TIAM1: variants seen among roughly 807,000 people sequenced by gnomAD.
TIAM1 encodes TIAM Rac1 associated GEF 1.
In TIAM1, 65 loss-of-function variants were observed where a neutral mutation model predicts 163.5. That is an observed-to-expected ratio of 0.40 (90% CI 0.33 to 0.49). The LOEUF is 0.49. Ranked by LOEUF, TIAM1 falls within the 20% of genes least tolerant of loss-of-function variation. TIAM1 has a pLI of 0.77. For synonymous variants in TIAM1, 833 were observed against 810.1 expected, an observed-to-expected ratio of 1.03 and a Z score of -0.48; for missense variants, 1,789 against 2,044.7, an observed-to-expected ratio of 0.87 and a Z score of 2.41.
intron 1 of TIAM1, among the ~76,000 whole-genome samples, chr21:31,500,264 G>A (rs564009451): frequency 5.9e-5 from 9 of 152,258 alleles, no homozygotes; most frequent in East Asian, 1.9e-4. Context: ...AGCTGGATTC[G>A]GGCCCAGCTC....
chr21:31,454,401 T>C (rs1000272178), intron 2 of TIAM1, among the ~76,000 whole-genome samples: 4 of 152,250 alleles, frequency 2.6e-5, no homozygotes, highest in Admixed American at 1.3e-4. Flanking sequence ...ATGTGTACTA[T>C]GATCCTTTCT....
chr21:31,433,980 T>TA, intron 2 of TIAM1, among the ~76,000 whole-genome samples: 1 of 152,176 alleles, frequency 6.6e-6, no homozygotes, highest in Non-Finnish European at 1.5e-5. Flanking sequence ...GTATTTTTGT[T>TA]AGAGACAGGG....
At chr21:31,322,470 C>T (rs1046049540) in intron 2 of TIAM1, among the ~76,000 whole-genome samples, 1 of 151,582 alleles carries the variant, frequency 6.6e-6, no homozygotes, top group Non-Finnish European at 1.5e-5. Flanking sequence ...CCATCATCTG[C>T]CATCTTATAG....
intron 2 of TIAM1, among the ~76,000 whole-genome samples, chr21:31,368,765 A>T (rs564082895): frequency 4.9e-4 from 74 of 152,194 alleles, no homozygotes; most frequent in Non-Finnish European, 9.3e-4. Context: ...AGCAGGGGGA[A>T]ATATGGCAAA....
chr21:31,308,184 G>A (rs1012460008), intron 2 of TIAM1, among the ~76,000 whole-genome samples: 9 of 152,140 alleles, frequency 5.9e-5, no homozygotes, highest in Non-Finnish European at 8.8e-5. Context: ...CTAGGAGGTG[G>A]AAGTTGCAGT....
rs2077090595 is a variant in TIAM1 at position 31,397,357 on chromosome 21, C to A, written c.-368-57935G>T. Among the ~76,000 whole-genome samples, 5 of 152,102 alleles carry A rather than the reference C, an allele frequency of 3.3e-5. No individual in the cohort carries two copies. The South Asian group carries it at 1.0e-3, about 32-fold the overall frequency. On this transcript the variant is annotated intron_variant, in intron 2 of 28. Coordinates refer to the TIAM1 transcript ENST00000286827. ...CCAAATTCCTATACAGATCTTTTTG[C>A]ATCCAAAAGCTCTAAGGGTCCATGT...
Position 31,120,439 on chromosome 21 carries a change from C to T in TIAM1, c.4705G>A (p.Ala1569Thr), listed in dbSNP as rs146645440. ...CTAACCCAAATGACTTCCTCGCTTGCGCTCTCCAGGCCTCCATTGATCCCC... is the reference window on the plus strand; with the variant it reads ...CTAACCCAAATGACTTCCTCGCTTGTGCTCTCCAGGCCTCCATTGATCCCC... ...LSGINGGLESASEEVIWVRRE... is the reference protein window; with the variant it reads ...LSGINGGLESTSEEVIWVRRE... The change falls in exon 28 of 28, where the codon GCA becomes ACA. Residue 1569 changes from alanine to threonine, a missense_variant. Coordinates refer to ENST00000541036, the MANE Select transcript of TIAM1 (RefSeq NM_001353694.2). The surrounding 1 kb of genome is among the most constrained non-coding windows in gnomAD (Gnocchi z 4.2). 7.7e-4 allele frequency: 1,241 copies of T among 1,614,200 alleles called. 2 individuals carry two copies. The highest frequency in any genetic ancestry group is 2.3e-3 in the East Asian group (103 of 44,876).
chr21:31,475,064 T>TTATTATTATTATC (rs2045894907), intron 1 of TIAM1, among the ~76,000 whole-genome samples: 4 of 82,396 alleles, frequency 4.9e-5, no homozygotes, highest in Non-Finnish European at 9.4e-5. Context: ...TATTATTATT[T>TTATTATTATTATC]AGTTTTAGAC....
chr21:31,400,180 T>G (rs952188386), intron 2 of TIAM1, among the ~76,000 whole-genome samples: 1 of 151,618 alleles, frequency 6.6e-6, no homozygotes, highest in Non-Finnish European at 1.5e-5. Context: ...CAGGCTAGAG[T>G]GCAGTGGCGT....
chr21:31,419,832 C>A (rs2300365), intron 2 of TIAM1, among the ~76,000 whole-genome samples: 14,446 of 152,186 alleles, frequency 0.095, 949 homozygotes, highest in Non-Finnish European at 0.14. Flanking sequence ...GGGTGGATCA[C>A]CTGAGGTCAG....
At chr21:31,184,254 C>T (rs1601454802) in intron 14 of TIAM1, among the ~76,000 whole-genome samples, 1 of 152,174 alleles carries the variant, frequency 6.6e-6, no homozygotes, top group Middle Eastern at 3.4e-3. Context: ...TATAGGTGCG[C>T]ACCACCATGC....
At chr21:31,214,442 T>C (rs939916351) in intron 9 of TIAM1, among the ~76,000 whole-genome samples, 3 of 152,184 alleles carry the variant, frequency 2.0e-5, no homozygotes, top group Non-Finnish European at 4.4e-5. Context: ...ATTTCTCCTA[T>C]AGCCTCATAT....
At position 31,120,869 on chromosome 21, in the gene TIAM1, AC is replaced by A; in HGVS notation, c.4307-33del. The A allele has an allele frequency of 6.5e-7, 1 of 1,543,908 alleles. No individual in the cohort carries two copies. Among genetic ancestry groups the A allele is most frequent in the Middle Eastern group, 1.7e-4 (1 of 5,768 alleles). On this transcript the variant is annotated intron_variant, in intron 27 of 27. Transcript: ENST00000541036. The surrounding 1 kb of genome is among the most constrained non-coding windows in gnomAD (Gnocchi z 4.2). ...ACACACACAAAAATATAAAAATAAA[AC>A]CCCCACATGCTTTACGTGAGATGAA...
At chr21:31,193,091 A>G (rs548896058) in intron 13 of TIAM1, among the ~76,000 whole-genome samples, 47 of 152,336 alleles carry the variant, frequency 3.1e-4, no homozygotes, top group African/African-American at 1.1e-3. Context: ...CAAGCCATAC[A>G]GTGTAATGCT....
At chr21:31,137,639 T>C (rs1365202383) in intron 22 of TIAM1, among the ~76,000 whole-genome samples, 1 of 151,872 alleles carries the variant, frequency 6.6e-6, no homozygotes, top group Non-Finnish European at 1.5e-5. Flanking sequence ...CTGCACCTTC[T>C]GCCATGTGAT....
chr21:31,337,512 A>ATTGTTG (rs1251943067), intron 2 of TIAM1, among the ~76,000 whole-genome samples: 42 of 131,648 alleles, frequency 3.2e-4, no homozygotes, highest in African/African-American at 1.3e-3. Context: ...TATTATTATT[A>ATTGTTG]TTGTTGTTAT....
chr21:31,225,663 A>AAG, intron 7 of TIAM1, 63 bp downstream of exon 7: 1 of 1,438,380 alleles, frequency 7.0e-7, no homozygotes, highest in East Asian at 2.3e-5. Context: ...CAGCAAAAAA[A>AAG]AAAAAAAACC....
rs562021675 is a variant in TIAM1 at position 31,407,523 on chromosome 21, G to A, written c.-369+56460C>T. Among the ~76,000 whole-genome samples, 4 of 152,102 alleles carry A rather than the reference G, an allele frequency of 2.6e-5. No homozygotes were observed. In the South Asian group the frequency reaches 8.3e-4, roughly 32 times the overall value. On this transcript the variant is annotated intron_variant, in intron 2 of 28. Coordinates refer to the TIAM1 transcript ENST00000286827. ...GCTGAGGTGAGCCACTGGATACCCT[G>A]GTTAAAACCAAAAGAAAGTCCGTGG... is the stretch of plus-strand genomic sequence containing the variant.
intron 25 of TIAM1, 44 bp downstream of exon 25, chr21:31,130,169 T>C (rs930744845): frequency 7.0e-7 from 1 of 1,431,764 alleles, no homozygotes; most frequent in Non-Finnish European, 9.7e-7. Context: ...CCTACACACA[T>C]CAGAAATATG....
Sources: allele counts gnomAD v4.1 joint callset (sites outside exome capture counted in the v4.1 genomes callset), GRCh38; gene constraint gnomAD v4.1.1; non-coding constraint Gnocchi (gnomAD v3.1); transcripts MANE v1.5; gene names NCBI Gene and HGNC (gene_info 2026-07-23, HGNC 2026-07-21).